The following NUMB variants were observed in gnomAD, a reference collection of about 807,000 sequenced individuals.
The protein encoded by NUMB is NUMB endocytic adaptor protein.
Under a neutral mutation model 59.7 loss-of-function variants are expected in NUMB, and 29 were observed. The ratio of observed to expected loss-of-function variants is 0.49; its 90% confidence interval spans 0.36 to 0.66. The LOEUF is 0.66. Among genes scored for constraint, NUMB ranks in the 30% least tolerant of loss-of-function variants. The pLI is 0.00. For synonymous variants in NUMB, 288 were observed against 288.2 expected, an observed-to-expected ratio of 1.00 and a Z score of 0.01; for missense variants, 723 against 822.0, an observed-to-expected ratio of 0.88 and a Z score of 1.47.
chr14:73,356,764 C>G (rs994056577), intron 3 of NUMB, among the ~76,000 whole-genome samples: 1 of 152,136 alleles, frequency 6.6e-6, no homozygotes, highest in South Asian at 2.1e-4. Flanking sequence ...GTGATCACAG[C>G]TCATTGCAAC....
At chr14:73,421,666 A>T (rs1212904704) in intron 1 of NUMB, among the ~76,000 whole-genome samples, 1 of 152,212 alleles carries the variant, frequency 6.6e-6, no homozygotes, top group Non-Finnish European at 1.5e-5. Flanking sequence ...GGGCAATGCC[A>T]TTAGTAATAG....
At chr14:73,345,402 G>T (rs1892860616) in intron 4 of NUMB, among the ~76,000 whole-genome samples, 1 of 151,944 alleles carries the variant, frequency 6.6e-6, no homozygotes, top group Non-Finnish European at 1.5e-5. Flanking sequence ...TCACTACCTG[G>T]GTGATCAAAG....
chr14:73,320,419 G>A (rs1891341779), intron 5 of NUMB, among the ~76,000 whole-genome samples: 1 of 152,018 alleles, frequency 6.6e-6, no homozygotes, highest in African/African-American at 2.4e-5. Flanking sequence ...TTTTTATAGA[G>A]ACAGGGTCTC....
rs1309984378 is a variant in NUMB, at chr14:73,276,760, C to A, written c.1774G>T (p.Val592Leu). The change falls in exon 13 of 13, where the codon GTA (valine) becomes TTA (leucine). Residue 592 changes from valine (V) to leucine (L), a missense_variant. Val to Leu is a conservative substitution (Grantham distance 32). Coordinates refer to ENST00000555238, the MANE Select transcript of NUMB (RefSeq NM_001005743.2). Reference sequence around the variant, plus strand: ...GCTGAGGCCAACCTGCCATCATCTACACCATTGAAAGCTGCAGAACCGTTG... The same window carrying A: ...GCTGAGGCCAACCTGCCATCATCTAAACCATTGAAAGCTGCAGAACCGTTG... ...HLNGSAAFNGVDDGRLASADR... is the reference protein window; with the variant it reads ...HLNGSAAFNGLDDGRLASADR... 1.2e-6 allele frequency: 2 copies of A among 1,614,094 alleles called. No homozygotes were observed. The highest frequency in any genetic ancestry group is 1.7e-6 in the Non-Finnish European group (2 of 1,180,050).
chr14:73,365,411 A>G (rs1041108751), intron 3 of NUMB, among the ~76,000 whole-genome samples: 1 of 152,190 alleles, frequency 6.6e-6, no homozygotes, highest in African/African-American at 2.4e-5. Context: ...CTAAATAACC[A>G]AAAAGATATT....
chr14:73,293,400 T>C lies in NUMB; in HGVS notation c.310-526A>G, dbSNP rs866825016. On this transcript the variant is annotated intron_variant, in intron 7 of 12. Coordinates refer to ENST00000555238, the MANE Select transcript of NUMB (RefSeq NM_001005743.2). ...TTCCACTCGTTTCTTTTTCTTTTTT[T>C]TTTTTTTTTTTTGGACAGTCTCACT... 7.1e-3 allele frequency among the ~76,000 whole-genome samples: 1,025 copies of C among 143,358 alleles called. 3 individuals carry two copies. Among genetic ancestry groups the C allele is most frequent in the South Asian group, 0.031 (139 of 4,446 alleles). 94.0% of individuals were successfully genotyped at this position (143,358 alleles called of 152,430 possible). A position where few individuals can be genotyped will look rare whatever the true frequency, so the allele number is the denominator to read the frequency against.
chr14:73,396,302 ATTTAC>A (rs1209737870), intron 2 of NUMB, among the ~76,000 whole-genome samples: 2 of 145,528 alleles, frequency 1.4e-5, no homozygotes, highest in Non-Finnish European at 3.0e-5. Flanking sequence ...TAATCTATCT[ATTTAC>A]TTTAATTATT....
intron 1 of NUMB, among the ~76,000 whole-genome samples, chr14:73,428,454 G>C (rs1402035881): frequency 1.3e-5 from 2 of 152,108 alleles, no homozygotes; most frequent in East Asian, 3.9e-4. Flanking sequence ...AACTCTACCA[G>C]TGAGGTCCAC....
At chr14:73,388,890 G>A (rs1357467356) in intron 2 of NUMB, among the ~76,000 whole-genome samples, 3 of 152,078 alleles carry the variant, frequency 2.0e-5, no homozygotes, top group African/African-American at 4.8e-5. Context: ...GAGGTCAGGA[G>A]ATCAAGACCA....
rs1888429458 is a variant in NUMB, at chr14:73,279,193, A to C, written c.1240+88T>G. 1.9e-5 allele frequency: 28 copies of C among 1,443,652 alleles called. No individual in the cohort carries two copies. The South Asian group carries it at 3.3e-4, about 17-fold the overall frequency. The allele number at this position is 1,443,652 out of a possible 1,614,324, so 89.4% of individuals were successfully genotyped here. A position where few individuals can be genotyped will look rare whatever the true frequency, so the allele number is the denominator to read the frequency against. The stretch of plus-strand genomic sequence containing the variant: ...AGTTTTCCTGAAAGGATTCCTCCCT[A>C]GTTCCCACTCAGCTAACTGGCTGAG... On this transcript the variant is annotated intron_variant, in intron 12 of 12. Transcript: ENST00000555238.
At chr14:73,352,435 CACACACACACACACACACACACAT>C (rs1422659058) in intron 4 of NUMB, among the ~76,000 whole-genome samples, 11 of 8,748 alleles carry the variant, frequency 1.3e-3, no homozygotes, top group Middle Eastern at 0.062. Context: ...TATATATATA[CACACACACACACACACACACACAT>C]ACACACACAC....
rs758932875 is a variant in NUMB, at chr14:73,292,823, T to C, written c.361A>G (p.Arg121Gly). 6.2e-7 allele frequency: 1 copy of C among 1,614,248 alleles called. No homozygotes were observed. The highest frequency in any genetic ancestry group is 1.3e-5 in the African/African-American group (1 of 75,076). ...TAAGAAAAGGCTCTATCAAAGTTCC[T>C]GTCTGGGGCACAGAAAGAAACTTTC... ...IEKVSFCAPD[R>G]NFDRAFSYIC... The change falls in exon 8 of 13, where the codon AGG becomes GGG. Residue 121 changes from arginine to glycine, a missense_variant. This residue lies in a region of NUMB where 317 missense variants were observed against 436.6 expected (regional missense o/e 0.73). Coordinates refer to ENST00000555238, the MANE Select transcript of NUMB (RefSeq NM_001005743.2).
intron 1 of NUMB, among the ~76,000 whole-genome samples, chr14:73,451,167 AAAAAAAAC>A (rs1310596781): frequency 5.0e-5 from 7 of 139,314 alleles, no homozygotes; most frequent in African/African-American, 1.1e-4. Context: ...AAAAAAAAAA[AAAAAAAAC>A]AAAAAACAAA....
At chr14:73,428,926 C>T (rs961615931) in intron 1 of NUMB, among the ~76,000 whole-genome samples, 4 of 152,176 alleles carry the variant, frequency 2.6e-5, no homozygotes, top group Admixed American at 6.5e-5. Flanking sequence ...TATATATACT[C>T]TCCTGAGTTT....
At chr14:73,406,800 A>G (rs1308309905) in intron 2 of NUMB, among the ~76,000 whole-genome samples, 1 of 152,122 alleles carries the variant, frequency 6.6e-6, no homozygotes, top group African/African-American at 2.4e-5. Context: ...CTGGTGTGAG[A>G]TGGTATCTCA....
intron 1 of NUMB, among the ~76,000 whole-genome samples, chr14:73,454,220 TAA>T (rs1052338088): frequency 1.3e-5 from 2 of 151,428 alleles, no homozygotes; most frequent in Admixed American, 6.6e-5. Context: ...AATTTTTTTT[TAA>T]AAAAAAAGGA....
At chr14:73,368,003 A>G (rs1217129249) in intron 2 of NUMB, among the ~76,000 whole-genome samples, 3 of 151,812 alleles carry the variant, frequency 2.0e-5, no homozygotes, top group Non-Finnish European at 4.4e-5. Context: ...AAAAAATTCC[A>G]TTTATTTTCT....
intron 1 of NUMB, among the ~76,000 whole-genome samples, chr14:73,453,289 C>T (rs1206685415): frequency 2.0e-5 from 3 of 151,476 alleles, no homozygotes; most frequent in East Asian, 2.0e-4. Context: ...TGTGCCACCA[C>T]GCCCGGCTAA....
At chr14:73,350,572 G>A (rs1417620892) in intron 4 of NUMB, among the ~76,000 whole-genome samples, 1 of 150,960 alleles carries the variant, frequency 6.6e-6, no homozygotes, top group Non-Finnish European at 1.5e-5. Context: ...TTTTGAGACA[G>A]GGTCTCGCTC....
Sources: allele counts gnomAD v4.1 joint callset (sites outside exome capture counted in the v4.1 genomes callset), GRCh38; gene constraint gnomAD v4.1.1; regional missense constraint gnomAD v4.1.1; transcripts MANE v1.5; gene names NCBI Gene and HGNC (gene_info 2026-07-23, HGNC 2026-07-21).